PGAP1: variants seen among roughly 807,000 people sequenced by gnomAD.
The protein encoded by PGAP1 is post-GPI attachment to proteins inositol deacylase 1, also known as GPI inositol-deacylase.
PGAP1 carries 76 observed loss-of-function variants against 127.0 expected under a neutral mutation model. That is an observed-to-expected ratio of 0.60 (90% CI 0.50 to 0.72). PGAP1 has a LOEUF of 0.72. Among genes scored for constraint, PGAP1 ranks in the 30% least tolerant of loss-of-function variants. The pLI is 0.00. For missense variants in PGAP1, 982 were observed against 1,071.3 expected, an observed-to-expected ratio of 0.92 and a Z score of 1.16; for synonymous variants, 362 against 366.5, an observed-to-expected ratio of 0.99 and a Z score of 0.14.
chr2:196,847,258 A>G, intron 21 of PGAP1, 58 bp from the exon 22 acceptor site: 1 of 1,313,420 alleles, frequency 7.6e-7, no homozygotes, highest in East Asian at 2.3e-5. Flanking sequence ...TTAAGGACTT[A>G]ATATTTGAGG....
At chr2:196,867,197 G>C (rs576859351) in intron 19 of PGAP1, among the ~76,000 whole-genome samples, 3 of 152,000 alleles carry the variant, frequency 2.0e-5, no homozygotes, top group Non-Finnish European at 4.4e-5. Context: ...TGTTTACTGC[G>C]GCACTGTTCA....
chr2:196,854,129 T>C (rs1454026916), intron 20 of PGAP1, among the ~76,000 whole-genome samples: 1 of 151,996 alleles, frequency 6.6e-6, no homozygotes, highest in Non-Finnish European at 1.5e-5. Context: ...ATTCCTAGGC[T>C]CAAGTGATCC....
At chr2:196,856,893 T>G (rs528282405) in intron 20 of PGAP1, among the ~76,000 whole-genome samples, 6 of 152,372 alleles carry the variant, frequency 3.9e-5, no homozygotes, top group African/African-American at 1.4e-4. Context: ...TTTTAAACTT[T>G]GTTTTTCTTT....
intron 19 of PGAP1, among the ~76,000 whole-genome samples, chr2:196,865,577 G>C (rs1324699684): frequency 6.6e-6 from 1 of 152,016 alleles, no homozygotes; most frequent in Non-Finnish European, 1.5e-5. Context: ...TACCTTATAG[G>C]TAGTTATTAG....
At chr2:196,865,363 C>G (rs1196187526) in intron 19 of PGAP1, among the ~76,000 whole-genome samples, 1 of 152,118 alleles carries the variant, frequency 6.6e-6, no homozygotes, top group East Asian at 1.9e-4. Flanking sequence ...TTAATACGTT[C>G]CAGGCACAAC....
At chr2:196,859,702 T>C (rs1700999219) in intron 20 of PGAP1, among the ~76,000 whole-genome samples, 1 of 152,188 alleles carries the variant, frequency 6.6e-6, no homozygotes, top group African/African-American at 2.4e-5. Context: ...AATGCAAGGA[T>C]AGTTCAATAT....
intron 2 of PGAP1, among the ~76,000 whole-genome samples, chr2:196,919,556 C>T (rs1390525291): frequency 6.6e-6 from 1 of 152,154 alleles, no homozygotes; most frequent in African/African-American, 2.4e-5. Context: ...ATGTTCCCCC[C>T]AGTACTTCCA....
rs1366382216 is a variant in PGAP1 at position 196,836,739 on chromosome 2, C to T, written c.*4495G>A. ...TTTGGCTCCTAATCAACTTACTATG[C>T]TGTAAAAGTCCCTTCTACATTTACC... On this transcript the variant is annotated 3_prime_UTR_variant, in exon 27 of 27. Coordinates refer to ENST00000354764, the MANE Select transcript of PGAP1 (RefSeq NM_024989.4). The T allele has an allele frequency of 6.6e-6, 1 of 152,134 alleles. No individual in the cohort carries two copies. Among genetic ancestry groups the T allele is most frequent in the East Asian group, 1.9e-4 (1 of 5,198 alleles). The allele number at this position is 152,134 out of a possible 1,614,324, so 9.4% of individuals were successfully genotyped here.
At chr2:196,842,695 G>A in intron 26 of PGAP1, 26 bp downstream of exon 26, 1 of 1,257,816 alleles carries the variant, frequency 8.0e-7, no homozygotes, top group South Asian at 1.5e-5. Context: ...ACAGATATAA[G>A]AAAAAGAAAG....
rs1250354119 is a variant in PGAP1 at position 196,838,731 on chromosome 2, A to C, written c.*2503T>G. 1 of 152,178 alleles carries C rather than the reference A, an allele frequency of 6.6e-6. No homozygotes were observed. Among genetic ancestry groups the C allele is most frequent in the Non-Finnish European group, 1.5e-5 (1 of 68,026 alleles). 9.4% of individuals were successfully genotyped at this position (152,178 alleles called of 1,614,324 possible). On this transcript the variant is annotated 3_prime_UTR_variant, in exon 27 of 27. Transcript: ENST00000354764. The stretch of plus-strand genomic sequence containing the variant: ...AAAATATTTGAGTGAGAATTAGTGT[A>C]CCTAGTCTGCTGCTTTAAAAAGTAA...
intron 9 of PGAP1, among the ~76,000 whole-genome samples, chr2:196,891,658 T>C (rs972300035): frequency 2.6e-5 from 4 of 152,158 alleles, no homozygotes; most frequent in Admixed American, 2.0e-4. Context: ...TCTTTTCCCA[T>C]ATGATTTATT....
intron 5 of PGAP1, 40 bp downstream of exon 5, chr2:196,902,545 A>G: frequency 6.5e-7 from 1 of 1,534,542 alleles, no homozygotes; most frequent in Non-Finnish European, 8.9e-7. Flanking sequence ...CACTGGGTCT[A>G]TTACATTACT....
intron 19 of PGAP1, among the ~76,000 whole-genome samples, chr2:196,870,136 C>T (rs1701367343): frequency 6.6e-6 from 1 of 152,104 alleles, no homozygotes; most frequent in African/African-American, 2.4e-5. Flanking sequence ...GAATTCAACA[C>T]ATTTATCTTT....
chr2:196,919,898 G>C (rs1703130377), intron 2 of PGAP1, 99 bp downstream of exon 2: 9 of 1,192,698 alleles, frequency 7.5e-6, no homozygotes, highest in Non-Finnish European at 1.1e-5. Flanking sequence ...CACACAGCAT[G>C]CATTTCATTT....
intron 5 of PGAP1, among the ~76,000 whole-genome samples, chr2:196,899,276 A>C (rs1702394632): frequency 6.6e-6 from 1 of 152,236 alleles, no homozygotes; most frequent in South Asian, 2.1e-4. Flanking sequence ...ATGTCTCTTT[A>C]ATAAATGAAC....
At position 196,842,779 on chromosome 2, in the gene PGAP1, T is replaced by G. The variant is rs776116742; in HGVS notation, c.2572A>C (p.Ile858Leu). ...NPDPCKPLAF[I>L]LIPTMAILGN... is the part of the protein sequence containing the mutation. The stretch of plus-strand genomic sequence containing the variant: ...AGAATTGCCATAGTCGGAATAAGGA[T>G]AAATGCCAAAGGTTTACATGGATCA... The change falls in exon 26 of 27, where the codon ATC (isoleucine) becomes CTC (leucine). Residue 858 changes from isoleucine (I) to leucine (L), a missense_variant. Physicochemically the swap from Ile to Leu is conservative, Grantham distance 5. Transcript: ENST00000354764. 2.5e-6 allele frequency: 4 copies of G among 1,588,888 alleles called. No individual in the cohort carries two copies. The highest frequency in any genetic ancestry group is 3.4e-6 in the Non-Finnish European group (4 of 1,164,246).
intron 20 of PGAP1, among the ~76,000 whole-genome samples, chr2:196,860,961 A>G (rs1228764451): frequency 6.6e-6 from 1 of 152,218 alleles, no homozygotes; most frequent in Non-Finnish European, 1.5e-5. Context: ...ATGGCAACCA[A>G]AACAGTTTAG....
chr2:196,885,748 A>G, intron 11 of PGAP1, 86 bp downstream of exon 11: 1 of 848,054 alleles, frequency 1.2e-6, no homozygotes, highest in South Asian at 3.7e-5. Flanking sequence ...CAAAATGAAA[A>G]TAACAATGTA....
intron 13 of PGAP1, among the ~76,000 whole-genome samples, chr2:196,878,169 C>T (rs1378062046): frequency 6.6e-6 from 1 of 152,206 alleles, no homozygotes; most frequent in East Asian, 1.9e-4. Context: ...CTGAGGATCC[C>T]TCATCCAAAA....
Sources: allele counts gnomAD v4.1 joint callset (sites outside exome capture counted in the v4.1 genomes callset), GRCh38; gene constraint gnomAD v4.1.1; transcripts MANE v1.5; gene names NCBI Gene and HGNC (gene_info 2026-07-23, HGNC 2026-07-21).